The following SMARCA2 variants were observed in gnomAD, a reference collection of about 807,000 sequenced individuals.
SMARCA2 encodes SWI/SNF related BAF chromatin remodeling complex subunit ATPase 2, also known as SWI/SNF-related matrix-associated actin-dependent regulator of chromatin subfamily A member 2.
Under a neutral mutation model 199.8 loss-of-function variants are expected in SMARCA2, and 61 were observed. The ratio of observed to expected loss-of-function variants is 0.31; its 90% CI spans 0.25 to 0.38. The LOEUF is 0.38. Ranked by LOEUF, SMARCA2 falls within the 10% of genes least tolerant of loss-of-function variation. SMARCA2 has a pLI of 1.00. For synonymous variants in SMARCA2, 935 were observed against 732.0 expected (o/e 1.28, Z -4.48); for missense variants, 1,344 against 2,012.2 (o/e 0.67, Z 6.35).
intron 19 of SMARCA2, 36 bp from the exon 20 acceptor site, chr9:2,096,621 C>T (rs1245413044): frequency 1.4e-6 from 2 of 1,386,240 alleles, no homozygotes; most frequent in Non-Finnish European, 2.1e-6. Context: ...CCTTCTCCTT[C>T]CTGCTCTTGC....
intron 31 of SMARCA2, among the ~76,000 whole-genome samples, chr9:2,183,848 G>C (rs550207925): frequency 6.6e-6 from 1 of 152,254 alleles, no homozygotes; most frequent in African/African-American, 2.4e-5. Context: ...GTTTGTTTTA[G>C]TCTCTGGATA....
intron 20 of SMARCA2, chr9:2,096,980 T>C: frequency 1.8e-6 from 1 of 551,534 alleles, no homozygotes. Context: ...ATTACCAAAA[T>C]AGTTAGCTCT....
intron 31 of SMARCA2, among the ~76,000 whole-genome samples, 164 bp from the exon 32 acceptor site, chr9:2,185,918 GTGTATGTCTGTATT>G (rs1380330696): frequency 1.6e-4 from 24 of 152,320 alleles, no homozygotes; most frequent in African/African-American, 5.8e-4. Flanking sequence ...CTGTATGAAT[GTGTATGTCTGTATT>G]TGGGCTTGGC....
intron 29 of SMARCA2, among the ~76,000 whole-genome samples, chr9:2,178,154 G>A (rs1826754186): frequency 6.6e-6 from 1 of 152,012 alleles, no homozygotes; most frequent in Non-Finnish European, 1.5e-5. Context: ...CGTACTCTAT[G>A]GTCTCATGGC....
intron 32 of SMARCA2, among the ~76,000 whole-genome samples, chr9:2,190,092 C>G (rs1028241027): frequency 1.3e-5 from 2 of 152,142 alleles, no homozygotes; most frequent in African/African-American, 4.8e-5. Context: ...AAATAGCTAC[C>G]ATGGAGCAGA....
At chr9:2,113,215 G>A (rs1045857762) in intron 24 of SMARCA2, among the ~76,000 whole-genome samples, 1 of 152,078 alleles carries the variant, frequency 6.6e-6, no homozygotes, top group African/African-American at 2.4e-5. Context: ...TGCTGATTGA[G>A]GACCCTACCT....
intron 8 of SMARCA2, 40 bp from the exon 9 acceptor site, chr9:2,060,776 C>T (rs746190570): frequency 1.9e-5 from 31 of 1,598,948 alleles, no homozygotes; most frequent in Non-Finnish European, 2.3e-5. Flanking sequence ...TGTCTGCACG[C>T]TTATATTATG....
At chr9:2,132,522 T>C (rs937155332) in intron 27 of SMARCA2, among the ~76,000 whole-genome samples, 1 of 152,268 alleles carries the variant, frequency 6.6e-6, no homozygotes, top group Non-Finnish European at 1.5e-5. Flanking sequence ...GCATTTGTTT[T>C]GTCATTTAAA....
intron 25 of SMARCA2, among the ~76,000 whole-genome samples, chr9:2,118,473 C>T (rs1823313339): frequency 6.6e-6 from 1 of 152,160 alleles, no homozygotes; most frequent in Non-Finnish European, 1.5e-5. Flanking sequence ...TTCTCTAAAA[C>T]AAGTTGCCTC....
At chr9:2,153,824 G>C (rs1347086094) in intron 27 of SMARCA2, among the ~76,000 whole-genome samples, 1 of 152,132 alleles carries the variant, frequency 6.6e-6, no homozygotes, top group Non-Finnish European at 1.5e-5. Context: ...GTGTGTGTGT[G>C]TGTGAGAGAG....
At chr9:2,074,979 A>G (rs958235531) in intron 12 of SMARCA2, 1 of 152,254 alleles carries the variant, frequency 6.6e-6, no homozygotes, top group Admixed American at 6.5e-5. Context: ...GAATGGGCTT[A>G]TAAGTGACCT....
chr9:2,136,313 G>A (rs989824428), intron 27 of SMARCA2, among the ~76,000 whole-genome samples: 3 of 151,084 alleles, frequency 2.0e-5, no homozygotes, highest in African/African-American at 4.9e-5. Flanking sequence ...TCAGCCTCCC[G>A]AGTAGCTGGG....
chr9:2,046,238 C>G (rs1586643234), intron 4 of SMARCA2, among the ~76,000 whole-genome samples: 1 of 152,238 alleles, frequency 6.6e-6, no homozygotes, highest in East Asian at 1.9e-4. Context: ...GAAAATTCAT[C>G]TAGGAGAAGA....
At chr9:2,187,131 A>G (rs10965129) in intron 32 of SMARCA2, among the ~76,000 whole-genome samples, 17,443 of 151,906 alleles carry the variant, frequency 0.11, 1,075 homozygotes, top group East Asian at 0.16. Flanking sequence ...TTTTTTTGCC[A>G]GGGGAAGAGG....
intron 16 of SMARCA2, among the ~76,000 whole-genome samples, chr9:2,083,780 T>G (rs1042123816): frequency 6.6e-6 from 1 of 152,244 alleles, no homozygotes; most frequent in Non-Finnish European, 1.5e-5. Flanking sequence ...TGCTGTACTT[T>G]CTCAACAGAA....
At chr9:2,192,368 A>T (rs1274989815) in intron 33 of SMARCA2, 2 of 297,458 alleles carry the variant, frequency 6.7e-6, no homozygotes, top group African/African-American at 4.5e-5. Context: ...AGGAGATGTC[A>T]AATGCAGGGT....
At chr9:2,079,131 G>A (rs758122420) in intron 14 of SMARCA2, among the ~76,000 whole-genome samples, 1 of 151,924 alleles carries the variant, frequency 6.6e-6, no homozygotes, top group Non-Finnish European at 1.5e-5. Flanking sequence ...AACCAGATAC[G>A]GTCACTCTGG....
intron 4 of SMARCA2, chr9:2,043,192 T>C (rs1054611459): frequency 1.3e-5 from 2 of 152,254 alleles, no homozygotes; most frequent in African/African-American, 4.8e-5. Flanking sequence ...CCTGGTGTTA[T>C]TCATGTGTGA....
intron 27 of SMARCA2, chr9:2,157,561 CT>C: frequency 4.3e-6 from 1 of 234,648 alleles, no homozygotes. Flanking sequence ...TGAGTACTGA[CT>C]TTTCCCGTTG....
Sources: allele counts gnomAD v4.1 joint callset (sites outside exome capture counted in the v4.1 genomes callset), GRCh38; gene constraint gnomAD v4.1.1; transcripts MANE v1.5; gene names NCBI Gene and HGNC (gene_info 2026-07-23, HGNC 2026-07-21).